Variants in ITPR2 observed in about 807,000 individuals in gnomAD.
The protein encoded by ITPR2 is inositol 1,4,5-trisphosphate-gated calcium channel ITPR2.
ITPR2 carries 207 observed loss-of-function variants against 317.1 expected under a neutral mutation model. The ratio of observed to expected loss-of-function variants is 0.65; its 90% CI spans 0.58 to 0.73. The LOEUF (loss-of-function observed/expected upper bound fraction) is 0.73. Ranked by LOEUF, ITPR2 falls within the 30% of genes least tolerant of loss-of-function variation. ITPR2 has a pLI of 0.00. For missense variants in ITPR2, 2,613 were observed against 3,284.0 expected (o/e 0.80, Z 4.99); for synonymous variants, 1,156 against 1,149.1 (o/e 1.01, Z -0.12).
At chr12:26,398,744 A>G in intron 54 of ITPR2, 132 bp downstream of exon 54, 1 of 715,748 alleles carries the variant, frequency 1.4e-6, no homozygotes, top group African/African-American at 1.8e-5. Flanking sequence ...GCTCAGTTAC[A>G]TAATCTGAAT....
In ITPR2 at chr12:26,401,337, C is replaced by T. The variant is rs541567391; in HGVS notation, c.7400-1079G>A. On this transcript the variant is annotated intron_variant, in intron 52 of 56. Transcript: ENST00000381340. Reference sequence around the variant, plus strand: ...TGGGGCAGATATTATTTCATTACTGCGGTTAAGTGTCTAAGCTTTCTCGAG... The same window carrying T: ...TGGGGCAGATATTATTTCATTACTGTGGTTAAGTGTCTAAGCTTTCTCGAG... Among the ~76,000 whole-genome samples the T allele has an allele frequency of 1.6e-4, 25 of 152,150 alleles. No homozygotes were observed. The South Asian group carries it at 3.9e-3, about 24-fold the overall frequency.
chr12:26,621,324 T>G, intron 25 of ITPR2, 28 bp from the exon 26 acceptor site: 3 of 1,523,224 alleles, frequency 2.0e-6, no homozygotes, highest in Non-Finnish European at 2.7e-6. Flanking sequence ...CAATCTTAGT[T>G]GAAGTTCACT....
chr12:26,600,019 G>A lies in ITPR2; in HGVS notation c.3769C>T (p.His1257Tyr). ...GTTAAAAACAAATTCAGATGTTTAT[G>A]AAGAAGAACTTGATTCTGTGGATTT... ...RGNPQNQVLL[H>Y]KHLNLFLTPG... is the part of the protein sequence containing the mutation. The change falls in exon 29 of 57, where the codon CAT (histidine) becomes TAT (tyrosine). Residue 1257 changes from histidine to tyrosine, a missense_variant. By Grantham distance (83) the His-to-Tyr change is moderately conservative. Around this residue, in one of 9 missense-constraint regions of ITPR2, gnomAD observed 817 missense variants for 897.6 expected, o/e 0.91. Coordinates refer to ENST00000381340, the MANE Select transcript of ITPR2 (RefSeq NM_002223.4). 3 of 1,606,342 alleles carry A rather than the reference G, an allele frequency of 1.9e-6. No homozygotes were observed. Among genetic ancestry groups the A allele is most frequent in the Non-Finnish European group, 2.6e-6 (3 of 1,173,320 alleles).
At chr12:26,644,483 G>A (rs773011662) in intron 21 of ITPR2, among the ~76,000 whole-genome samples, 13 of 152,108 alleles carry the variant, frequency 8.5e-5, no homozygotes, top group Non-Finnish European at 7.4e-5. Context: ...CCCGATACTC[G>A]GTAACTTATA....
intron 2 of ITPR2, among the ~76,000 whole-genome samples, chr12:26,746,722 A>G (rs1371842490): frequency 6.6e-6 from 1 of 152,208 alleles, no homozygotes; most frequent in Non-Finnish European, 1.5e-5. Context: ...AGAATTTTCA[A>G]GGTAATGCAG....
intron 21 of ITPR2, among the ~76,000 whole-genome samples, chr12:26,642,509 T>A (rs1947013838): frequency 6.6e-6 from 1 of 152,254 alleles, no homozygotes; most frequent in Admixed American, 6.5e-5. Context: ...AGGAGATCTT[T>A]GCCAGATGCT....
chr12:26,368,646 C>A (rs1206513056), intron 55 of ITPR2, among the ~76,000 whole-genome samples: 1 of 152,182 alleles, frequency 6.6e-6, no homozygotes, highest in Non-Finnish European at 1.5e-5. Context: ...CTATCACTTG[C>A]ATTATTAAGA....
At chr12:26,762,248 TA>T (rs1463536369) in intron 2 of ITPR2, among the ~76,000 whole-genome samples, 1 of 152,196 alleles carries the variant, frequency 6.6e-6, no homozygotes, top group African/African-American at 2.4e-5. Flanking sequence ...GAATTCCAAA[TA>T]ACACTAAATA....
At chr12:26,579,517 C>G (rs1370322429) in intron 33 of ITPR2, among the ~76,000 whole-genome samples, 2 of 151,970 alleles carry the variant, frequency 1.3e-5, no homozygotes, top group Non-Finnish European at 2.9e-5. Flanking sequence ...TGTTTATTTT[C>G]TTGGTCATCA....
chr12:26,445,081 G>A, intron 45 of ITPR2, among the ~76,000 whole-genome samples: 1 of 152,088 alleles, frequency 6.6e-6, no homozygotes, highest in East Asian at 1.9e-4. Context: ...GTTTTAAGAA[G>A]TGGCCAGTTC....
intron 49 of ITPR2, 22 bp from the exon 50 acceptor site, chr12:26,419,235 A>G (rs1278376924): frequency 1.2e-6 from 2 of 1,609,496 alleles, no homozygotes; most frequent in Admixed American, 3.3e-5. Context: ...AAAGGGTTAC[A>G]GATTACTGTC....
chr12:26,654,275 C>T (rs1947326504), intron 20 of ITPR2, 149 bp from the exon 21 acceptor site: 1 of 609,378 alleles, frequency 1.6e-6, no homozygotes, highest in Non-Finnish European at 2.7e-6. Flanking sequence ...AATTAAAATA[C>T]TTGCAAAAGC....
chr12:26,631,573 G>A (rs1322341703), intron 22 of ITPR2, among the ~76,000 whole-genome samples: 3 of 152,000 alleles, frequency 2.0e-5, no homozygotes, highest in Non-Finnish European at 4.4e-5. Flanking sequence ...GTTCCATCAG[G>A]GACAATACTA....
Position 26,652,491 on chromosome 12 carries a change from T to C in ITPR2, c.2740+1485A>G, listed in dbSNP as rs750072094. Among the ~76,000 whole-genome samples the C allele has an allele frequency of 2.0e-5, 3 of 152,238 alleles. No individual in the cohort carries two copies. The South Asian group carries it at 6.2e-4, about 31-fold the overall frequency. ...TGGTTTTGCCCTTTTAATACTGTAG[T>C]GGATGTTGTAGTGGATACTATTGTG... On this transcript the variant is annotated intron_variant, in intron 21 of 56. Transcript: ENST00000381340.
intron 1 of ITPR2, among the ~76,000 whole-genome samples, chr12:26,820,547 G>T (rs2137291104): frequency 6.6e-6 from 1 of 152,168 alleles, no homozygotes; most frequent in Non-Finnish European, 1.5e-5. Context: ...GTAACACAGG[G>T]TAAAGCACAT....
intron 1 of ITPR2, among the ~76,000 whole-genome samples, chr12:26,794,487 A>G (rs1221545456): frequency 6.6e-6 from 1 of 152,122 alleles, no homozygotes; most frequent in Non-Finnish European, 1.5e-5. Context: ...CCTGGCTTCA[A>G]TCTATAGAAA....
chr12:26,411,462 T>G (rs1940548419), intron 51 of ITPR2, 50 bp from the exon 52 acceptor site: 1 of 1,255,836 alleles, frequency 8.0e-7, no homozygotes, highest in Non-Finnish European at 1.2e-6. Context: ...ATGCACATGA[T>G]GAAAACTGAA....
Position 26,654,053 on chromosome 12 carries a change from G to T in ITPR2, c.2663C>A (p.Thr888Lys), listed in dbSNP as rs538557738. ...TACAATGTCTAAAATAGCCAGAAGT[G>T]TTCTTGTTAGCCTTAATAACTCACT... ...SFSELLRLTR[T>K]LLAILDIVQA... Residue 888 changes from threonine (T) to lysine (K), a missense_variant, in exon 21 of 57, where the codon ACA (threonine) becomes AAA (lysine). Thr to Lys is a moderately conservative substitution (Grantham distance 78). Transcript: ENST00000381340. 45 of 1,400,998 alleles carry T rather than the reference G, an allele frequency of 3.2e-5. No individual in the cohort carries two copies. In the Middle Eastern group the frequency reaches 4.2e-3, roughly 131 times the overall value. The allele number at this position is 1,400,998 out of a possible 1,614,324, so 86.8% of individuals were successfully genotyped here.
intron 21 of ITPR2, among the ~76,000 whole-genome samples, chr12:26,636,219 T>C (rs1946862097): frequency 6.6e-6 from 1 of 152,248 alleles, no homozygotes; most frequent in African/African-American, 2.4e-5. Context: ...GTCACCTCCA[T>C]AGGTAGACCT....
Sources: allele counts gnomAD v4.1 joint callset (sites outside exome capture counted in the v4.1 genomes callset), GRCh38; gene constraint gnomAD v4.1.1; regional missense constraint gnomAD v4.1.1; transcripts MANE v1.5; gene names NCBI Gene and HGNC (gene_info 2026-07-23, HGNC 2026-07-21).